KCTD13: variants seen among roughly 807,000 people sequenced by gnomAD.
The protein encoded by KCTD13 is BTB/POZ domain-containing adapter for CUL3-mediated RhoA degradation protein 1.
A neutral mutation model predicts 32.3 loss-of-function variants in KCTD13; 15 were observed. That is an observed-to-expected ratio of 0.46 (90% CI 0.31 to 0.71). KCTD13 has a LOEUF of 0.71. KCTD13 is among the 30% of genes least tolerant of loss of function. The probability of loss-of-function intolerance (pLI) is 0.05; values close to 1 mark genes in which losing one functional copy is unlikely to be tolerated. For synonymous variants in KCTD13, 189 were observed against 200.1 expected, an observed-to-expected ratio of 0.94 and a Z score of 0.47; for missense variants, 337 against 452.6, an observed-to-expected ratio of 0.74 and a Z score of 2.32.
chr16:29,918,909 C>T (rs2068860049), intron 2 of KCTD13, among the ~76,000 whole-genome samples: 1 of 151,400 alleles, frequency 6.6e-6, no homozygotes, highest in Non-Finnish European at 1.5e-5. Context: ...CCACCTGCCT[C>T]AGCCTCCCAA....
At position 29,924,717 on chromosome 16, in the gene KCTD13, T is replaced by C. The variant is rs540385369; in HGVS notation, c.244+1073A>G. On this transcript the variant is annotated intron_variant, in intron 1 of 5. Coordinates refer to ENST00000568000, the MANE Select transcript of KCTD13 (RefSeq NM_178863.5). ...AATACTTATTGGACAAATGAATTCT[T>C]CCCTTTTTTTTTTTTTTTTTTGAGA... Among the ~76,000 whole-genome samples the C allele has an allele frequency of 2.7e-5, 4 of 149,672 alleles. No homozygotes were observed. The South Asian group carries it at 8.4e-4, about 31-fold the overall frequency.
chr16:29,907,643 C>T (rs1281128705), intron 5 of KCTD13, among the ~76,000 whole-genome samples: 2 of 152,026 alleles, frequency 1.3e-5, no homozygotes, highest in Non-Finnish European at 2.9e-5. Flanking sequence ...AAAAAATTAG[C>T]TAGGTGTGGT....
At chr16:29,925,661 A>G in intron 1 of KCTD13, 129 bp downstream of exon 1, 1 of 847,484 alleles carries the variant, frequency 1.2e-6, no homozygotes, top group East Asian at 2.7e-5. Flanking sequence ...GGCTGGAGGG[A>G]GCTGAGAATG....
chr16:29,911,779 A>C, intron 4 of KCTD13, 36 bp downstream of exon 4: 4 of 1,609,678 alleles, frequency 2.5e-6, no homozygotes, highest in Non-Finnish European at 3.4e-6. Flanking sequence ...GCTGCATCCC[A>C]GGGTCCCGCC....
intron 5 of KCTD13, among the ~76,000 whole-genome samples, chr16:29,907,802 TAAATA>T (rs1192631710): frequency 4.6e-5 from 7 of 151,116 alleles, no homozygotes; most frequent in Non-Finnish European, 1.0e-4. Context: ...AATAAATAAA[TAAATA>T]AAATAAAATA....
chr16:29,911,134 G>A lies in KCTD13; in HGVS notation c.597C>T (p.Phe199=), dbSNP rs759713880. The change falls in exon 5 of 6, where the codon TTC becomes TTT. Residue 199 remains phenylalanine (F), a synonymous_variant. Coordinates refer to ENST00000568000, the MANE Select transcript of KCTD13 (RefSeq NM_178863.5). ...CGTGGAAGCGCAGGGCCAGCTTGTC[G>A]AACAGCTCGATGTTCTTAAGTAGGT... ...DDNLLKNIEL[F]DKLALRFHGR... The A allele has an allele frequency of 6.2e-6, 10 of 1,614,000 alleles. No individual in the cohort carries two copies. The highest frequency in any genetic ancestry group is 4.4e-5 in the South Asian group (4 of 91,084).
chr16:29,906,826 G>T lies in KCTD13; in HGVS notation c.*46C>A. 1 of 1,542,934 alleles carries T rather than the reference G, an allele frequency of 6.5e-7. No individual in the cohort carries two copies. The highest frequency in any genetic ancestry group is 8.9e-7 in the Non-Finnish European group (1 of 1,119,126). On this transcript the variant is annotated 3_prime_UTR_variant, in exon 6 of 6. Coordinates refer to ENST00000568000, the MANE Select transcript of KCTD13 (RefSeq NM_178863.5). ...TCTGGGAAGGGGAGGGAAAGAGAGA[G>T]GGACTGGGTCCCAAGGCAAGAGGAA...
intron 2 of KCTD13, chr16:29,913,924 G>C (rs975593452): frequency 6.6e-6 from 1 of 152,206 alleles, no homozygotes; most frequent in African/African-American, 2.4e-5. Flanking sequence ...CCGCCTCCCA[G>C]GTTCAAGTGA....
chr16:29,923,045 A>T, intron 2 of KCTD13, 145 bp downstream of exon 2: 1 of 851,306 alleles, frequency 1.2e-6, no homozygotes. Flanking sequence ...AGGGATGCAG[A>T]AGATGGCACC....
At position 29,907,403 on chromosome 16, in the gene KCTD13, C is replaced by T. The variant is rs370312235; in HGVS notation, c.754-295G>A. Among the ~76,000 whole-genome samples the T allele has an allele frequency of 1.2e-4, 18 of 152,316 alleles. No homozygotes were observed. The South Asian group carries it at 3.5e-3, about 30-fold the overall frequency. On this transcript the variant is annotated intron_variant, in intron 5 of 5. Coordinates refer to ENST00000568000, the MANE Select transcript of KCTD13 (RefSeq NM_178863.5). ...TGAGTGCACTGCACCAGGTATTGTT[C>T]TAGGCACTGCAAAAATAGCAGTGAA...
chr16:29,923,366 G>A lies in KCTD13; in HGVS notation c.245-7C>T, dbSNP rs761999194. ...CGGTCAATCAGCACCCAACCTAGTG[G>A]GGTGGGGAGAGGCAGGGGGAAAGAT... On this transcript the variant is annotated splice_polypyrimidine_tract_variant and splice_region_variant and intron_variant, in intron 1 of 5. Transcript: ENST00000568000. 1 of 1,612,192 alleles carries A rather than the reference G, an allele frequency of 6.2e-7. No individual in the cohort carries two copies. Among genetic ancestry groups the A allele is most frequent in the Admixed American group, 1.7e-5 (1 of 59,738 alleles).
intron 5 of KCTD13, among the ~76,000 whole-genome samples, chr16:29,910,215 T>C (rs1322644817): frequency 2.0e-5 from 3 of 151,206 alleles, no homozygotes; most frequent in Admixed American, 6.6e-5. Context: ...CTGGCCAACA[T>C]GGTGAAACCC....
In KCTD13 at chr16:29,926,135, C is replaced by T. The variant is rs577090261; in HGVS notation, c.-102G>A. ...CCCCCAGCCCTTGGGCCAGACCGCT[C>T]GGCGCACACGCCCACTCACCGCAGC... On this transcript the variant is annotated 5_prime_UTR_variant, in exon 1 of 6. Coordinates refer to ENST00000568000, the MANE Select transcript of KCTD13 (RefSeq NM_178863.5). The T allele has an allele frequency of 1.2e-5, 15 of 1,278,106 alleles. No homozygotes were observed. In the East Asian group the frequency reaches 2.1e-4, roughly 18 times the overall value. 79.2% of individuals were successfully genotyped at this position (1,278,106 alleles called of 1,614,324 possible).
At chr16:29,907,525 GCCTGTAATC>G (rs1407051911) in intron 5 of KCTD13, among the ~76,000 whole-genome samples, 1 of 152,098 alleles carries the variant, frequency 6.6e-6, no homozygotes, top group African/African-American at 2.4e-5. Context: ...AGTGACTCAG[GCCTGTAATC>G]CCAGCACTTT....
chr16:29,912,526 C>T (rs1191166784), intron 2 of KCTD13, among the ~76,000 whole-genome samples: 3 of 152,204 alleles, frequency 2.0e-5, no homozygotes, highest in East Asian at 1.9e-4. Context: ...CTGCAACCTC[C>T]ACCTCCCGGG....
intron 5 of KCTD13, 102 bp from the exon 6 acceptor site, chr16:29,907,210 A>G (rs2068629287): frequency 5.1e-6 from 4 of 785,762 alleles, no homozygotes; most frequent in Non-Finnish European, 8.3e-6. Flanking sequence ...CTAGCCCTGC[A>G]GTCAGGTCCT....
chr16:29,911,654 G>T, intron 4 of KCTD13, 161 bp downstream of exon 4: 1 of 671,610 alleles, frequency 1.5e-6, no homozygotes, highest in Non-Finnish European at 2.6e-6. Flanking sequence ...AAGCAGAAAG[G>T]ACCTGCCTAG....
intron 2 of KCTD13, among the ~76,000 whole-genome samples, chr16:29,918,215 T>C (rs1040676696): frequency 6.6e-5 from 10 of 152,244 alleles, no homozygotes; most frequent in Non-Finnish European, 1.2e-4. Flanking sequence ...GTGTCATTGA[T>C]AGGTAACTGC....
intron 2 of KCTD13, chr16:29,920,815 G>A (rs145944505): frequency 2.6e-5 from 4 of 152,182 alleles, no homozygotes; most frequent in East Asian, 3.9e-4. Context: ...ATAACCATTC[G>A]GGAGAGCAAT....
Sources: allele counts gnomAD v4.1 joint callset (sites outside exome capture counted in the v4.1 genomes callset), GRCh38; gene constraint gnomAD v4.1.1; transcripts MANE v1.5; gene names NCBI Gene and HGNC (gene_info 2026-07-23, HGNC 2026-07-21).